Variants in ASIC2 observed in about 807,000 individuals in gnomAD.
ASIC2 encodes the protein acid-sensing ion channel 2.
Under a neutral mutation model 57.3 loss-of-function variants are expected in ASIC2, and 25 were observed. The observed-to-expected ratio is 0.44, with a 90% CI of 0.32 to 0.61. The LOEUF (loss-of-function observed/expected upper bound fraction) is 0.61. ASIC2 is among the 20% of genes least tolerant of loss of function. The pLI, the probability that ASIC2 is intolerant of heterozygous loss-of-function variation, is 0.06. For missense variants in ASIC2, 641 were observed against 738.1 expected (o/e 0.87, Z 1.52); for synonymous variants, 319 against 307.5 (o/e 1.04, Z -0.39).
chr17:33,616,764 G>A (rs1368826569), intron 1 of ASIC2, among the ~76,000 whole-genome samples: 4 of 152,220 alleles, frequency 2.6e-5, no homozygotes, highest in Admixed American at 1.3e-4. Context: ...CTTTGTTTGA[G>A]ATTTCTGAGA....
chr17:34,069,194 T>TTCCC (rs112258809), intron 1 of ASIC2: 1 of 134,778 alleles, frequency 7.4e-6, no homozygotes, highest in African/African-American at 3.1e-5. Context: ...CTCCCTTCCC[T>TTCCC]TCCCTCCCTC....
At chr17:33,548,849 G>A (rs1851672564) in intron 1 of ASIC2, among the ~76,000 whole-genome samples, 1 of 152,000 alleles carries the variant, frequency 6.6e-6, no homozygotes, top group Non-Finnish European at 1.5e-5. Context: ...TCCCCCTGAA[G>A]CTTCATATGG....
intron 1 of ASIC2, among the ~76,000 whole-genome samples, chr17:33,298,823 T>C (rs952548229): frequency 6.6e-6 from 1 of 152,192 alleles, no homozygotes; most frequent in Non-Finnish European, 1.5e-5. Flanking sequence ...AAATCATGAG[T>C]GAACTCCCAT....
intron 1 of ASIC2, among the ~76,000 whole-genome samples, chr17:33,536,366 G>A (rs575180364): frequency 3.9e-5 from 6 of 152,310 alleles, no homozygotes; most frequent in African/African-American, 1.4e-4. Flanking sequence ...ACTTGTGAGA[G>A]CCGACTGTCA....
chr17:33,028,278 C>T lies in ASIC2; in HGVS notation c.1102G>A (p.Val368Met). The T allele has an allele frequency of 6.2e-7, 1 of 1,614,140 alleles. No homozygotes were observed. Among genetic ancestry groups the T allele is most frequent in the Non-Finnish European group, 8.5e-7 (1 of 1,180,034 alleles). ...CRIDCETRYIVENCNCRMVHM... is the reference protein window; with the variant it reads ...CRIDCETRYIMENCNCRMVHM... Reference sequence around the variant, plus strand: ...ACCATGCGGCAGTTGCAGTTTTCCACAATGTAGCGGGTCTCACAGTCAATC... The same window carrying T: ...ACCATGCGGCAGTTGCAGTTTTCCATAATGTAGCGGGTCTCACAGTCAATC... The change falls in exon 4 of 10, where the codon GTG (valine) becomes ATG (methionine). Residue 368 changes from valine (V) to methionine (M), a missense_variant. By Grantham distance (21) the Val-to-Met change is conservative. Around this residue, in one of 3 missense-constraint regions of ASIC2, gnomAD observed 252 missense variants for 319.8 expected, o/e 0.79. Coordinates refer to ENST00000225823, the MANE Select transcript of ASIC2 (RefSeq NM_183377.2).
intron 1 of ASIC2, among the ~76,000 whole-genome samples, chr17:33,669,373 G>A (rs1012309330): frequency 6.6e-6 from 1 of 152,166 alleles, no homozygotes; most frequent in Non-Finnish European, 1.5e-5. Context: ...GTCCAAGTCA[G>A]CAGACCCAAA....
At chr17:33,946,133 C>A (rs1292402070) in intron 1 of ASIC2, among the ~76,000 whole-genome samples, 1 of 152,218 alleles carries the variant, frequency 6.6e-6, no homozygotes, top group Non-Finnish European at 1.5e-5. Context: ...TCACTTTGAT[C>A]TCCATGTCAC....
intron 1 of ASIC2, among the ~76,000 whole-genome samples, chr17:33,674,237 G>T (rs986276866): frequency 2.6e-5 from 4 of 152,022 alleles, no homozygotes; most frequent in Admixed American, 1.3e-4. Flanking sequence ...GCTCCAAGAA[G>T]GTGCCCTTCA....
chr17:33,857,496 A>G (rs1046620577), intron 1 of ASIC2, among the ~76,000 whole-genome samples: 6 of 152,166 alleles, frequency 3.9e-5, no homozygotes, highest in African/African-American at 1.4e-4. Flanking sequence ...GCTCAGGATG[A>G]AGGGAAGAGA....
chr17:34,076,855 G>A (rs192144197), intron 1 of ASIC2, among the ~76,000 whole-genome samples: 1 of 152,302 alleles, frequency 6.6e-6, no homozygotes, highest in Admixed American at 6.5e-5. Context: ...GAAGGGCACA[G>A]AAGCAGGGCT....
At chr17:33,529,785 G>C (rs528280855) in intron 1 of ASIC2, 1 of 152,226 alleles carries the variant, frequency 6.6e-6, no homozygotes, top group Non-Finnish European at 1.5e-5. Flanking sequence ...GATTAAATGA[G>C]ATACATCATG....
chr17:33,440,586 G>A (rs977001589), intron 1 of ASIC2, among the ~76,000 whole-genome samples: 11 of 152,224 alleles, frequency 7.2e-5, no homozygotes, highest in Admixed American at 1.3e-4. Flanking sequence ...AGCAAAGAAA[G>A]AGGGTTCCAA....
intron 1 of ASIC2, among the ~76,000 whole-genome samples, chr17:33,176,933 G>A (rs1287148917): frequency 1.3e-5 from 2 of 152,196 alleles, no homozygotes; most frequent in East Asian, 3.9e-4. Context: ...GAAGATAGTA[G>A]ATGGATTTGC....
chr17:33,017,435 C>G (rs1243423365), intron 8 of ASIC2, among the ~76,000 whole-genome samples, 170 bp downstream of exon 8: 1 of 152,218 alleles, frequency 6.6e-6, no homozygotes, highest in Non-Finnish European at 1.5e-5. Flanking sequence ...CTCCCATCCC[C>G]TTGCCCCACA....
At chr17:33,618,442 A>G (rs2142019588) in intron 1 of ASIC2, among the ~76,000 whole-genome samples, 1 of 152,280 alleles carries the variant, frequency 6.6e-6, no homozygotes, top group East Asian at 1.9e-4. Flanking sequence ...GGTCTGTTGA[A>G]TTAGTAGAGA....
chr17:33,692,973 A>G (rs975689016), intron 1 of ASIC2, among the ~76,000 whole-genome samples: 8 of 152,188 alleles, frequency 5.3e-5, no homozygotes, highest in Non-Finnish European at 7.4e-5. Flanking sequence ...TTGTTTTTGC[A>G]TTAAGTTCTT....
intron 1 of ASIC2, chr17:33,834,542 A>G (rs561758521): frequency 6.6e-6 from 1 of 152,286 alleles, no homozygotes; most frequent in Non-Finnish European, 1.5e-5. Flanking sequence ...AGGGCCATTC[A>G]CTGGGGGAAG....
At chr17:34,013,752 AG>A (rs112722247) in intron 1 of ASIC2, among the ~76,000 whole-genome samples, 11,392 of 152,152 alleles carry the variant, frequency 0.075, 1,214 homozygotes, top group African/African-American at 0.24. Context: ...TTCTGACTGG[AG>A]GGCCCAGGAC....
chr17:33,977,705 C>T (rs1163239448), intron 1 of ASIC2, among the ~76,000 whole-genome samples: 3 of 152,132 alleles, frequency 2.0e-5, no homozygotes, highest in Non-Finnish European at 1.5e-5. Context: ...TCCCTCTGGC[C>T]CCAAAGAGAA....
Sources: allele counts gnomAD v4.1 joint callset (sites outside exome capture counted in the v4.1 genomes callset), GRCh38; gene constraint gnomAD v4.1.1; regional missense constraint gnomAD v4.1.1; transcripts MANE v1.5; gene names NCBI Gene and HGNC (gene_info 2026-07-23, HGNC 2026-07-21).